The following SPECC1 variants were observed in gnomAD, a reference collection of about 807,000 sequenced individuals.
SPECC1 encodes the protein cytospin-B.
In SPECC1, 62 loss-of-function variants were observed where a neutral mutation model predicts 104.1. That is an observed-to-expected ratio of 0.60 (90% CI 0.49 to 0.74). The LOEUF (loss-of-function observed/expected upper bound fraction) is 0.74, where lower values mean the gene tolerates loss of function less well. SPECC1 is among the 30% of genes least tolerant of loss of function. SPECC1 has a pLI of 0.00. For synonymous variants in SPECC1, 513 were observed against 501.6 expected (o/e 1.02, Z -0.30); for missense variants, 1,306 against 1,310.5 (o/e 1.00, Z 0.05).
chr17:20,301,409 A>ATT (rs559604892), intron 13 of SPECC1, among the ~76,000 whole-genome samples: 2 of 141,946 alleles, frequency 1.4e-5, no homozygotes, highest in South Asian at 2.3e-4. Context: ...GTGCCAGGGC[A>ATT]TTTTTTTTTT....
chr17:20,219,047 C>T (rs1177304721), intron 4 of SPECC1, among the ~76,000 whole-genome samples: 3 of 152,064 alleles, frequency 2.0e-5, no homozygotes, highest in African/African-American at 7.2e-5. Context: ...ATCCATTTGT[C>T]TGTTGATGGA....
At chr17:20,212,428 G>A (rs1368208166) in intron 4 of SPECC1, among the ~76,000 whole-genome samples, 22 of 152,198 alleles carry the variant, frequency 1.4e-4, no homozygotes, top group Admixed American at 1.4e-3. Flanking sequence ...ACTTGGCTGG[G>A]GATGCCTCAC....
chr17:20,206,007 T>G, intron 4 of SPECC1, 95 bp downstream of exon 4: 1 of 1,469,812 alleles, frequency 6.8e-7, no homozygotes, highest in Non-Finnish European at 9.1e-7. Flanking sequence ...AAGCATTTGC[T>G]TAGTCTGTTT....
rs1218840811 is a variant in SPECC1 at position 20,189,817 on chromosome 17, A to G, written c.284-14516A>G. 2.0e-5 allele frequency among the ~76,000 whole-genome samples: 3 copies of G among 152,198 alleles called. No individual in the cohort carries two copies. In the East Asian group the frequency reaches 5.8e-4, roughly 29 times the overall value. On this transcript the variant is annotated intron_variant, in intron 3 of 14. Transcript: ENST00000395527. The stretch of plus-strand genomic sequence containing the variant: ...GCTGAGCAAGTGGAGTGTGAGGAAA[A>G]TTAATTTTGCATTCTTCCCAAAAAA...
intron 1 of SPECC1, among the ~76,000 whole-genome samples, chr17:20,020,062 G>A (rs2044313136): frequency 6.6e-6 from 1 of 152,196 alleles, no homozygotes; most frequent in African/African-American, 2.4e-5. Context: ...AAGGAAGTAA[G>A]AAGCAGCCTT....
intron 3 of SPECC1, among the ~76,000 whole-genome samples, chr17:20,138,441 G>T (rs919191699): frequency 1.3e-5 from 2 of 152,154 alleles, no homozygotes; most frequent in Non-Finnish European, 2.9e-5. Context: ...GGGTTTGAAT[G>T]AATGTATAAT....
At chr17:20,267,020 G>A (rs534174625) in intron 12 of SPECC1, among the ~76,000 whole-genome samples, 29 of 152,274 alleles carry the variant, frequency 1.9e-4, no homozygotes, top group Non-Finnish European at 3.7e-4. Context: ...CCCACCTGCC[G>A]AGCTCCGGGC....
intron 3 of SPECC1, among the ~76,000 whole-genome samples, chr17:20,131,274 C>T (rs1400134245): frequency 2.0e-5 from 3 of 152,142 alleles, no homozygotes; most frequent in African/African-American, 7.2e-5. Context: ...TCACTGCAAC[C>T]TCTGCCTCCC....
Position 20,143,410 on chromosome 17 carries a change from G to A in SPECC1, c.283+32848G>A, listed in dbSNP as rs552932417. On this transcript the variant is annotated intron_variant, in intron 3 of 14. Transcript: ENST00000395527. ...CAAAAAAAAAAAAAAAAGTCCGAGC[G>A]TGGTGGCTCATGCCTGTAATCCCAG... is the stretch of plus-strand genomic sequence containing the variant. Among the ~76,000 whole-genome samples, 5 of 151,538 alleles carry A rather than the reference G, an allele frequency of 3.3e-5. No homozygotes were observed. The South Asian group carries it at 8.3e-4, about 25-fold the overall frequency.
chr17:20,292,224 C>G (rs1324344941), intron 12 of SPECC1, among the ~76,000 whole-genome samples: 1 of 152,042 alleles, frequency 6.6e-6, no homozygotes, highest in African/African-American at 2.4e-5. Flanking sequence ...CTGTTAGAGG[C>G]CCTCCTTGTT....
At chr17:20,132,648 T>C (rs1320586707) in intron 3 of SPECC1, among the ~76,000 whole-genome samples, 2 of 151,800 alleles carry the variant, frequency 1.3e-5, no homozygotes, top group Admixed American at 6.6e-5. Flanking sequence ...CTGCTTAATA[T>C]TGAGTGAGTT....
intron 3 of SPECC1, among the ~76,000 whole-genome samples, chr17:20,186,234 T>C (rs1160545876): frequency 6.6e-6 from 1 of 152,236 alleles, no homozygotes; most frequent in African/African-American, 2.4e-5. Flanking sequence ...TAAAATGAAT[T>C]ACATGAGGTT....
At chr17:20,046,980 G>T (rs1455932186) in intron 1 of SPECC1, among the ~76,000 whole-genome samples, 1 of 152,132 alleles carries the variant, frequency 6.6e-6, no homozygotes, top group African/African-American at 2.4e-5. Flanking sequence ...ACAAGACTGG[G>T]AGGAGGGAAA....
At chr17:20,026,706 T>C (rs189266391) in intron 1 of SPECC1, among the ~76,000 whole-genome samples, 237 of 152,334 alleles carry the variant, frequency 1.6e-3, no homozygotes, top group African/African-American at 5.6e-3. Flanking sequence ...TTAGATTTAT[T>C]CCCTGTCTTG....
chr17:20,044,680 G>C (rs555143955), intron 1 of SPECC1, among the ~76,000 whole-genome samples: 1 of 152,292 alleles, frequency 6.6e-6, no homozygotes, highest in African/African-American at 2.4e-5. Context: ...TTTATTTGAA[G>C]GAGCTGTATG....
chr17:20,220,305 A>G (rs1598012246), intron 4 of SPECC1, among the ~76,000 whole-genome samples: 1 of 152,142 alleles, frequency 6.6e-6, no homozygotes, highest in South Asian at 2.1e-4. Context: ...GTCTCTACAC[A>G]TAGAGTGTCT....
At chr17:20,170,837 T>C (rs925010962) in intron 3 of SPECC1, among the ~76,000 whole-genome samples, 3 of 152,190 alleles carry the variant, frequency 2.0e-5, no homozygotes, top group Admixed American at 6.5e-5. Context: ...TAATACATTT[T>C]TATGTGAAAC....
chr17:20,301,873 T>G (rs183968811), intron 13 of SPECC1, among the ~76,000 whole-genome samples: 15 of 152,192 alleles, frequency 9.9e-5, no homozygotes, highest in Admixed American at 9.1e-4. Context: ...ACCTGGCTAG[T>G]TTTTATATTT....
intron 4 of SPECC1, among the ~76,000 whole-genome samples, chr17:20,210,463 G>C (rs571109821): frequency 6.6e-6 from 1 of 152,194 alleles, no homozygotes; most frequent in African/African-American, 2.4e-5. Context: ...TTGGCGACTT[G>C]GGGCAGGCAT....
Sources: gnomAD v4.1 joint callset for allele counts (sites outside exome capture counted in the v4.1 genomes callset) on GRCh38, gnomAD v4.1.1 for gene constraint, MANE v1.5 for transcripts, NCBI Gene and HGNC (gene_info 2026-07-23, HGNC 2026-07-21) for gene names.